The following FAM13B variants were observed in gnomAD, a reference collection of about 807,000 sequenced individuals.
FAM13B encodes protein FAM13B.
FAM13B carries 60 observed loss-of-function variants against 117.3 expected under a neutral mutation model. The observed-to-expected ratio is 0.51, with a 90% CI of 0.42 to 0.63. FAM13B has a LOEUF of 0.63. Ranked by LOEUF, FAM13B falls within the 30% of genes least tolerant of loss-of-function variation. The probability of loss-of-function intolerance (pLI) is 0.00; values close to 1 mark genes in which losing one functional copy is unlikely to be tolerated. For synonymous variants in FAM13B, 332 were observed against 356.1 expected (o/e 0.93, Z 0.76); for missense variants, 972 against 1,091.9 (o/e 0.89, Z 1.55).
At chr5:137,945,701 CA>C (rs1049265442) in intron 20 of FAM13B, among the ~76,000 whole-genome samples, 200 bp downstream of exon 20, 16 of 152,186 alleles carry the variant, frequency 1.1e-4, no homozygotes, top group African/African-American at 3.6e-4. Flanking sequence ...CATAAGCATA[CA>C]TAAAAATGCT....
At chr5:138,030,909 G>A (rs577684463) in intron 1 of FAM13B, among the ~76,000 whole-genome samples, 7 of 151,898 alleles carry the variant, frequency 4.6e-5, no homozygotes, top group East Asian at 1.9e-4. Flanking sequence ...GGCAAGCACC[G>A]GTAGTCCTAG....
rs1414267633 is a variant in FAM13B at position 138,029,136 on chromosome 5, C to T, written c.-203+3646G>A. 2.6e-5 allele frequency among the ~76,000 whole-genome samples: 4 copies of T among 152,240 alleles called. No individual in the cohort carries two copies. The East Asian group carries it at 7.7e-4, about 29-fold the overall frequency. ...TCCAGTGTACTTTCCAGTTCACTCT[C>T]CAACTGAATCCTCCAACCATCCGGT... On this transcript the variant is annotated intron_variant, in intron 1 of 23. Transcript: ENST00000689681.
intron 2 of FAM13B, among the ~76,000 whole-genome samples, chr5:138,020,441 T>C (rs1786429397): frequency 6.6e-6 from 1 of 152,206 alleles, no homozygotes; most frequent in South Asian, 2.1e-4. Flanking sequence ...TGTCCTAATT[T>C]TGTAGGAATT....
rs1312846572 is a variant in FAM13B, at chr5:137,971,181, C to T, written c.1180-8712G>A. On this transcript the variant is annotated intron_variant, in intron 10 of 23. Coordinates refer to ENST00000689681, the MANE Select transcript of FAM13B (RefSeq NM_001385994.1). ...ACATTTTTTTCAGCACCACACCAGA[C>T]CTATTCCAAAATTGACCACATAGTT... is the stretch of plus-strand genomic sequence containing the variant. 7.3e-5 allele frequency among the ~76,000 whole-genome samples: 11 copies of T among 151,474 alleles called. No individual in the cohort carries two copies. The South Asian group carries it at 2.3e-3, about 32-fold the overall frequency.
intron 4 of FAM13B, among the ~76,000 whole-genome samples, chr5:138,013,971 C>T (rs1193379852): frequency 6.6e-6 from 1 of 152,044 alleles, no homozygotes; most frequent in African/African-American, 2.4e-5. Flanking sequence ...GACAGGCTGT[C>T]GCTCCAGGCT....
chr5:138,003,700 C>T (rs1008728295), intron 7 of FAM13B, among the ~76,000 whole-genome samples: 8 of 152,164 alleles, frequency 5.3e-5, no homozygotes, highest in Non-Finnish European at 1.5e-5. Flanking sequence ...GGAATAGAGA[C>T]ACCTAACTAA....
intron 7 of FAM13B, among the ~76,000 whole-genome samples, chr5:137,994,281 T>C (rs2150689236): frequency 6.6e-6 from 1 of 152,274 alleles, no homozygotes; most frequent in East Asian, 1.9e-4. Context: ...TTTTCTACTT[T>C]AAGAGTCAGG....
In FAM13B at chr5:138,018,321, G is replaced by C; in HGVS notation, c.351C>G (p.His117Gln). ...TGTTACCTTGAGAAAGCTGCATCAA[G>C]TGAATATGTAAACTGCCAGGGATAA... ...EPVIPGSLHI[H>Q]LMQLSQDYNN... The change falls in exon 4 of 24, where the codon CAC becomes CAG. Residue 117 changes from histidine to glutamine, a missense_variant. His to Gln is a conservative substitution (Grantham distance 24, BLOSUM62 0). Transcript: ENST00000689681. 1 of 1,613,954 alleles carries C rather than the reference G, an allele frequency of 6.2e-7. No homozygotes were observed. Among genetic ancestry groups the C allele is most frequent in the South Asian group, 1.1e-5 (1 of 91,070 alleles).
At chr5:138,024,579 T>TAA (rs56110483) in intron 1 of FAM13B, among the ~76,000 whole-genome samples, 151 of 140,100 alleles carry the variant, frequency 1.1e-3, no homozygotes, top group Middle Eastern at 3.6e-3. Context: ...TATTACATTC[T>TAA]AAAAAAAAAA....
intron 5 of FAM13B, among the ~76,000 whole-genome samples, chr5:138,011,510 C>G (rs1175548614): frequency 6.6e-6 from 1 of 151,950 alleles, no homozygotes; most frequent in Non-Finnish European, 1.5e-5. Context: ...GCTCCGCCTC[C>G]CCGGGTTCAC....
intron 9 of FAM13B, among the ~76,000 whole-genome samples, chr5:137,985,741 C>T (rs1777042840): frequency 6.6e-6 from 1 of 152,192 alleles, no homozygotes; most frequent in African/African-American, 2.4e-5. Context: ...CAGTACTAGA[C>T]ACTACAGTGT....
At chr5:137,991,788 T>C (rs1011635561) in intron 7 of FAM13B, among the ~76,000 whole-genome samples, 3 of 152,208 alleles carry the variant, frequency 2.0e-5, no homozygotes, top group African/African-American at 4.8e-5. Flanking sequence ...GGGTAGATTG[T>C]AGATCTAAAC....
upstream of FAM13B, among the ~76,000 whole-genome samples, chr5:138,038,015 A>T (rs757956725): frequency 3.3e-5 from 5 of 152,224 alleles, no homozygotes; most frequent in Non-Finnish European, 7.3e-5. Flanking sequence ...GTGCTTTATT[A>T]GCCATATACA....
intron 10 of FAM13B, among the ~76,000 whole-genome samples, chr5:137,967,954 T>C (rs1770593761): frequency 6.6e-6 from 1 of 152,036 alleles, no homozygotes; most frequent in Admixed American, 6.6e-5. Context: ...CCAGGCGCGG[T>C]GGCTCACACC....
Position 137,940,237 on chromosome 5 carries a change from T to C in FAM13B, c.2802A>G (p.Ser934=). 1 of 1,614,068 alleles carries C rather than the reference T, an allele frequency of 6.2e-7. No individual in the cohort carries two copies. The highest frequency in any genetic ancestry group is 8.5e-7 in the Non-Finnish European group (1 of 1,179,968). ...CAAGGAACGTATCTTATATGGATTT[T>C]GAAGAATCTTGTTTGCTTATAAGAA... The part of the protein sequence containing the change: ...LEVLISKQDS[S]KSI The change falls in exon 24 of 24, where the codon TCA becomes TCG. Residue 934 remains serine, a synonymous_variant. Coordinates refer to ENST00000689681, the MANE Select transcript of FAM13B (RefSeq NM_001385994.1).
At chr5:137,944,993 G>A (rs1353580958) in intron 20 of FAM13B, among the ~76,000 whole-genome samples, 3 of 151,956 alleles carry the variant, frequency 2.0e-5, no homozygotes, top group Non-Finnish European at 2.9e-5. Flanking sequence ...AAAATGTTGT[G>A]CACTATGCTC....
rs1760808122 is a variant in FAM13B at position 137,938,625 on chromosome 5, T to G, written c.*1600A>C. The G allele has an allele frequency of 6.6e-6, 1 of 152,460 alleles. No individual in the cohort carries two copies. Among genetic ancestry groups the G allele is most frequent in the Admixed American group, 6.6e-5 (1 of 15,258 alleles). The allele number at this position is 152,460 out of a possible 1,614,324, so 9.4% of individuals were successfully genotyped here. A position where few individuals can be genotyped will look rare whatever the true frequency, so the allele number is the denominator to read the frequency against. The stretch of plus-strand genomic sequence containing the variant: ...CTTTTCTTTATTCCCCAACTACACA[T>G]TCACTACCAGGTTTTCCCTCACCCC... On this transcript the variant is annotated 3_prime_UTR_variant, in exon 24 of 24. Coordinates refer to ENST00000689681, the MANE Select transcript of FAM13B (RefSeq NM_001385994.1).
At chr5:138,018,272 G>A (rs1216248085) in intron 4 of FAM13B, 30 bp downstream of exon 4, 1 of 1,528,330 alleles carries the variant, frequency 6.5e-7, no homozygotes, top group South Asian at 1.1e-5. Flanking sequence ...AACAACAAAT[G>A]ACCAATTGAT....
chr5:137,940,166 C>A lies in FAM13B; in HGVS notation c.*59G>T, dbSNP rs370070551. ...AATTTAAGTACCAGCCAAGTACACA[C>A]GATGATAGCTTCAAGGAATACAACT... On this transcript the variant is annotated 3_prime_UTR_variant, in exon 24 of 24. Transcript: ENST00000689681. 1.1e-5 allele frequency: 18 copies of A among 1,612,942 alleles called. No homozygotes were observed. The African/African-American group carries it at 1.9e-4, about 17-fold the overall frequency.
Sources: allele counts gnomAD v4.1 joint callset (sites outside exome capture counted in the v4.1 genomes callset), GRCh38; gene constraint gnomAD v4.1.1; transcripts MANE v1.5; gene names NCBI Gene and HGNC (gene_info 2026-07-23, HGNC 2026-07-21).